Variants in PREX1 observed in about 807,000 individuals in gnomAD.
PREX1 encodes the protein phosphatidylinositol 3,4,5-trisphosphate-dependent Rac exchanger 1 protein.
PREX1 carries 41 observed loss-of-function variants against 198.3 expected under a neutral mutation model. The observed-to-expected ratio is 0.21, with a 90% CI of 0.16 to 0.27. The LOEUF (loss-of-function observed/expected upper bound fraction) is 0.27, where lower values mean the gene tolerates loss of function less well. Ranked by LOEUF, PREX1 falls within the 10% of genes least tolerant of loss-of-function variation. PREX1 has a pLI of 1.00. For synonymous variants in PREX1, 843 were observed against 887.2 expected, an observed-to-expected ratio of 0.95 and a Z score of 0.89; for missense variants, 1,620 against 2,200.7, an observed-to-expected ratio of 0.74 and a Z score of 5.28.
intron 1 of PREX1, among the ~76,000 whole-genome samples, chr20:48,779,929 G>C (rs2090280668): frequency 6.6e-6 from 1 of 152,162 alleles, no homozygotes; most frequent in South Asian, 2.1e-4. Flanking sequence ...CCAGACTGTA[G>C]TGGTAAGTAT....
At position 48,688,791 on chromosome 20, in the gene PREX1, G is replaced by C. The variant is rs767704522; in HGVS notation, c.1200C>G (p.Gly400=). The C allele has an allele frequency of 1.1e-5, 18 of 1,613,966 alleles. No homozygotes were observed. The South Asian group carries it at 2.0e-4, about 18-fold the overall frequency. Residue 400 remains glycine, a synonymous_variant, in exon 10 of 40, where the codon GGC becomes GGG. Coordinates refer to ENST00000371941, the MANE Select transcript of PREX1 (RefSeq NM_020820.4). Reference sequence around the variant, plus strand: ...TCATGACGTAGGCATCACGCTCCATGCCCAGCTTCAGGCCTACACAGGGGC... The same window carrying C: ...TCATGACGTAGGCATCACGCTCCATCCCCAGCTTCAGGCCTACACAGGGGC... The part of the protein sequence containing the change: ...EREQRESLKL[G]MERDAYVMIA...
chr20:48,875,578 G>A, the PREX1 span, among the ~76,000 whole-genome samples: 1 of 152,196 alleles, frequency 6.6e-6, no homozygotes, highest in African/African-American at 2.4e-5. Flanking sequence ...TGTACGTTGT[G>A]TGATGACTCT....
intron 1 of PREX1, among the ~76,000 whole-genome samples, chr20:48,795,050 C>T (rs115328772): frequency 1.6e-3 from 244 of 152,254 alleles, no homozygotes; most frequent in Middle Eastern, 0.01. Context: ...GCGTCCTTAT[C>T]CTCAGTCACT....
At chr20:48,791,598 G>A (rs528802696) in intron 1 of PREX1, among the ~76,000 whole-genome samples, 63 of 152,290 alleles carry the variant, frequency 4.1e-4, no homozygotes, top group African/African-American at 1.5e-3. Context: ...CCAGTGATGG[G>A]TCAGGTTTCA....
chr20:48,766,155 T>TAC (rs1251209691), intron 1 of PREX1, among the ~76,000 whole-genome samples: 1 of 152,204 alleles, frequency 6.6e-6, no homozygotes, highest in African/African-American at 2.4e-5. Flanking sequence ...CATTATATGT[T>TAC]ACAATGTAAT....
chr20:48,645,570 GACA>G (rs1314935001), intron 26 of PREX1, among the ~76,000 whole-genome samples: 1 of 152,190 alleles, frequency 6.6e-6, no homozygotes, highest in African/African-American at 2.4e-5. Flanking sequence ...CCTTGTGCCT[GACA>G]ACATCGTGTC....
chr20:48,675,551 T>TG (rs1456559021), intron 14 of PREX1, among the ~76,000 whole-genome samples: 1 of 152,096 alleles, frequency 6.6e-6, no homozygotes, highest in Non-Finnish European at 1.5e-5. Flanking sequence ...TCCACTGCTA[T>TG]GAGGTAACTA....
chr20:48,699,297 G>C (rs1050405569), intron 7 of PREX1, among the ~76,000 whole-genome samples: 1 of 152,240 alleles, frequency 6.6e-6, no homozygotes, highest in African/African-American at 2.4e-5. Context: ...AGACAGAGGA[G>C]TTAAGAAGCC....
chr20:48,626,334 G>A lies in PREX1; in HGVS notation c.4938-407C>T, dbSNP rs139432314. Among the ~76,000 whole-genome samples, 393 of 152,350 alleles carry A rather than the reference G, an allele frequency of 2.6e-3. 5 individuals are homozygous for A. The highest frequency in any genetic ancestry group is 9.2e-3 in the East Asian group (48 of 5,190). On this transcript the variant is annotated intron_variant, in intron 39 of 39. Coordinates refer to ENST00000371941, the MANE Select transcript of PREX1 (RefSeq NM_020820.4). Reference sequence around the variant, plus strand: ...GGGGGACCAGACAGGAGGCTGCGTGGTGTCCAGGGCAAGCAGACTGCAATG... The same window carrying A: ...GGGGGACCAGACAGGAGGCTGCGTGATGTCCAGGGCAAGCAGACTGCAATG...
chr20:48,888,150 C>G, the PREX1 span, among the ~76,000 whole-genome samples: 1 of 152,022 alleles, frequency 6.6e-6, no homozygotes, highest in Non-Finnish European at 1.5e-5. Context: ...GGGCGAAAAG[C>G]ACTTCTTACA....
At chr20:48,653,694 G>C (rs944698570) in intron 19 of PREX1, among the ~76,000 whole-genome samples, 197 bp from the exon 20 acceptor site, 1 of 152,174 alleles carries the variant, frequency 6.6e-6, no homozygotes, top group Non-Finnish European at 1.5e-5. Context: ...AAGAAACTAA[G>C]GTTCAGAGAA....
At chr20:48,859,072 T>A in the PREX1 span, among the ~76,000 whole-genome samples, 3 of 151,906 alleles carry the variant, frequency 2.0e-5, no homozygotes, top group Non-Finnish European at 2.9e-5. Context: ...ATTATTTTTT[T>A]AAATTTTTTG....
chr20:48,848,601 C>T, the PREX1 span, among the ~76,000 whole-genome samples: 36 of 152,230 alleles, frequency 2.4e-4, no homozygotes, highest in African/African-American at 8.2e-4. Flanking sequence ...AGTATAGTCT[C>T]CTGCAAGGCT....
Position 48,634,806 on chromosome 20 carries a change from C to A in PREX1, c.4168-31G>T, listed in dbSNP as rs763681331. 3.8e-6 allele frequency: 6 copies of A among 1,589,826 alleles called. No homozygotes were observed. In the South Asian group the frequency reaches 6.6e-5, roughly 18 times the overall value. Reference sequence around the variant, plus strand: ...GGAAGAAGACAGCGCGGAGGAGTCTCAGATGCCAACCCTGCCCCAGGGTTT... The same window carrying A: ...GGAAGAAGACAGCGCGGAGGAGTCTAAGATGCCAACCCTGCCCCAGGGTTT... On this transcript the variant is annotated intron_variant, in intron 32 of 39. Transcript: ENST00000371941.
intron 31 of PREX1, among the ~76,000 whole-genome samples, chr20:48,637,072 C>T (rs2089370812): frequency 6.6e-6 from 1 of 152,262 alleles, no homozygotes; most frequent in Non-Finnish European, 1.5e-5. Flanking sequence ...CCAAGCTGCA[C>T]ATGTTCAGAA....
At chr20:48,826,888 G>A (rs1403045998) in intron 1 of PREX1, among the ~76,000 whole-genome samples, 1 of 152,124 alleles carries the variant, frequency 6.6e-6, no homozygotes, top group African/African-American at 2.4e-5. Context: ...TAAAAATGGG[G>A]GAAATACTCG....
At chr20:48,628,032 T>C in intron 37 of PREX1, 69 bp from the exon 38 acceptor site, 1 of 993,372 alleles carries the variant, frequency 1.0e-6, no homozygotes, top group South Asian at 1.4e-5. Flanking sequence ...ACAGCGGGAG[T>C]CAGAGGACAG....
At chr20:48,812,590 T>C (rs80317008) in intron 1 of PREX1, among the ~76,000 whole-genome samples, 2,221 of 152,184 alleles carry the variant, frequency 0.015, 16 homozygotes, top group Middle Eastern at 0.075. Context: ...GTATAGCTAA[T>C]ATATATGGAA....
intron 1 of PREX1, among the ~76,000 whole-genome samples, chr20:48,819,012 C>G (rs185956026): frequency 2.0e-5 from 3 of 152,322 alleles, no homozygotes; most frequent in African/African-American, 7.2e-5. Context: ...CAGAACCAGC[C>G]GTAGGTCACA....
Sources: allele counts gnomAD v4.1 joint callset (sites outside exome capture counted in the v4.1 genomes callset), GRCh38; gene constraint gnomAD v4.1.1; transcripts MANE v1.5; gene names NCBI Gene and HGNC (gene_info 2026-07-23, HGNC 2026-07-21).